PFDN1: variants seen among roughly 807,000 people sequenced by gnomAD.
The protein encoded by PFDN1 is prefoldin 1.
A neutral mutation model predicts 17.3 loss-of-function variants in PFDN1; 6 were observed. The observed-to-expected ratio is 0.35, with a 90% confidence interval of 0.19 to 0.69. The LOEUF (loss-of-function observed/expected upper bound fraction) is 0.69, where lower values mean the gene tolerates loss of function less well. Ranked by LOEUF, PFDN1 falls within the 30% of genes least tolerant of loss-of-function variation. PFDN1 has a pLI of 0.65. For missense variants in PFDN1, 113 were observed against 146.2 expected (o/e 0.77, Z 1.17); for synonymous variants, 58 against 50.1 (o/e 1.16, Z -0.67).
intron 2 of PFDN1, among the ~76,000 whole-genome samples, chr5:140,282,838 A>C (rs902813144): frequency 6.6e-6 from 1 of 152,250 alleles, no homozygotes; most frequent in African/African-American, 2.4e-5. Context: ...CTGTCTAAGG[A>C]AGCTAAAATA....
chr5:140,253,635 T>C (rs1157701363), intron 3 of PFDN1, among the ~76,000 whole-genome samples: 3 of 152,170 alleles, frequency 2.0e-5, no homozygotes, highest in African/African-American at 4.8e-5. Flanking sequence ...AATATGGTGC[T>C]GATCAAGCCT....
chr5:140,284,959 C>T (rs1461387369), intron 2 of PFDN1, among the ~76,000 whole-genome samples: 1 of 152,194 alleles, frequency 6.6e-6, no homozygotes. Context: ...TTTTCTAAAT[C>T]ATCCTGCAGT....
intron 3 of PFDN1, among the ~76,000 whole-genome samples, chr5:140,259,386 A>AACC (rs1765032766): frequency 6.6e-6 from 1 of 152,256 alleles, no homozygotes; most frequent in Non-Finnish European, 1.5e-5. Context: ...TTGTAGAAGC[A>AACC]TCAATATAAT....
chr5:140,274,946 T>C (rs1042985758), intron 3 of PFDN1, among the ~76,000 whole-genome samples: 12 of 150,232 alleles, frequency 8.0e-5, no homozygotes, highest in African/African-American at 1.2e-4. Flanking sequence ...TGAGCCGAGA[T>C]TGTGATACTG....
At chr5:140,266,627 G>A (rs747019443) in intron 3 of PFDN1, among the ~76,000 whole-genome samples, 15 of 152,176 alleles carry the variant, frequency 9.9e-5, no homozygotes, top group Non-Finnish European at 1.8e-4. Flanking sequence ...TTCAGACTAC[G>A]AAAATCAATA....
chr5:140,303,005 AAAG>A (rs1367472562), intron 1 of PFDN1, 33 bp downstream of exon 1: 19 of 1,530,120 alleles, frequency 1.2e-5, no homozygotes, highest in Admixed American at 1.7e-5. Flanking sequence ...CAGCCTCCAA[AAAG>A]AAGACCTCCG....
At chr5:140,296,427 C>T (rs1353338829) in intron 2 of PFDN1, among the ~76,000 whole-genome samples, 2 of 152,140 alleles carry the variant, frequency 1.3e-5, no homozygotes. Context: ...CATTTAAACA[C>T]ACCTACACAC....
At chr5:140,274,229 T>C (rs545492950) in intron 3 of PFDN1, among the ~76,000 whole-genome samples, 6 of 152,286 alleles carry the variant, frequency 3.9e-5, no homozygotes, top group Non-Finnish European at 8.8e-5. Context: ...CTGAATTTTG[T>C]CAAAAAAGAC....
At chr5:140,278,557 C>CAACAAAAAAAAA (rs1765336511) in intron 3 of PFDN1, among the ~76,000 whole-genome samples, 1 of 79,006 alleles carries the variant, frequency 1.3e-5, no homozygotes. Flanking sequence ...GACTCTGTCT[C>CAACAAAAAAAAA]AAAAAAAAAA....
chr5:140,289,956 T>C (rs1248184508), intron 2 of PFDN1, among the ~76,000 whole-genome samples: 2 of 152,206 alleles, frequency 1.3e-5, no homozygotes, highest in Non-Finnish European at 2.9e-5. Context: ...ACCTCCTGAA[T>C]AGCTTCCTGC....
Position 140,277,898 on chromosome 5 carries a change from T to C in PFDN1, c.285+3551A>G, listed in dbSNP as rs559772081. ...AGCAACAGTGGAAGCCACAAGTCAG[T>C]AGAATGGTTATCTTTAAAAGAGCTG... On this transcript the variant is annotated intron_variant, in intron 3 of 3. Transcript: ENST00000261813. Among the ~76,000 whole-genome samples, 4 of 152,162 alleles carry C rather than the reference T, an allele frequency of 2.6e-5. No individual in the cohort carries two copies. In the South Asian group the frequency reaches 6.2e-4, roughly 24 times the overall value.
intron 3 of PFDN1, among the ~76,000 whole-genome samples, chr5:140,269,525 G>T (rs1040162186): frequency 6.6e-6 from 1 of 150,410 alleles, no homozygotes; most frequent in African/African-American, 2.5e-5. Flanking sequence ...CTCCATGTTG[G>T]TCAGGCTGGT....
At chr5:140,252,226 G>C (rs1248031469) in intron 3 of PFDN1, among the ~76,000 whole-genome samples, 1 of 152,090 alleles carries the variant, frequency 6.6e-6, no homozygotes, top group Non-Finnish European at 1.5e-5. Flanking sequence ...GCTCAGAGGA[G>C]AGGGGAGACA....
At chr5:140,260,819 A>AAT (rs35629165) in intron 3 of PFDN1, among the ~76,000 whole-genome samples, 1 of 151,526 alleles carries the variant, frequency 6.6e-6, no homozygotes, top group African/African-American at 2.4e-5. Flanking sequence ...CACTTTAAAA[A>AAT]ATATATATAT....
At chr5:140,278,556 TCAAAAA>T (rs1765336366) in intron 3 of PFDN1, among the ~76,000 whole-genome samples, 1 of 24,612 alleles carries the variant, frequency 4.1e-5, no homozygotes, top group African/African-American at 2.0e-4. Flanking sequence ...AGACTCTGTC[TCAAAAA>T]AAAAAAAAAA....
intron 3 of PFDN1, among the ~76,000 whole-genome samples, chr5:140,276,178 A>G (rs1318556963): frequency 6.6e-6 from 1 of 152,198 alleles, no homozygotes; most frequent in Non-Finnish European, 1.5e-5. Flanking sequence ...AATCATTTAG[A>G]GCTCTAAATC....
chr5:140,300,842 A>G (rs1388657258), intron 1 of PFDN1, among the ~76,000 whole-genome samples: 1 of 152,252 alleles, frequency 6.6e-6, no homozygotes, highest in Non-Finnish European at 1.5e-5. Context: ...CAAGTACTCA[A>G]GGAGTAGTAA....
chr5:140,273,848 G>A lies in PFDN1; in HGVS notation c.285+7601C>T, dbSNP rs1190000692. On this transcript the variant is annotated intron_variant, in intron 3 of 3. Coordinates refer to ENST00000261813, the MANE Select transcript of PFDN1 (RefSeq NM_002622.5). Reference sequence around the variant, plus strand: ...CATGTTGGAGACAGAGGGGAAGGAAGCTGGTGAACCTGTATATGCATGTGC... The same window carrying A: ...CATGTTGGAGACAGAGGGGAAGGAAACTGGTGAACCTGTATATGCATGTGC... 7 of 947,036 alleles carry A rather than the reference G, an allele frequency of 7.4e-6. No homozygotes were observed. The East Asian group carries it at 6.9e-4, about 94-fold the overall frequency. 58.7% of individuals were successfully genotyped at this position (947,036 alleles called of 1,614,324 possible).
intron 3 of PFDN1, chr5:140,281,085 T>C (rs979708428): frequency 5.8e-6 from 1 of 171,792 alleles, no homozygotes; most frequent in Non-Finnish European, 1.2e-5. Flanking sequence ...TTACCCACTC[T>C]CCTGCCCATC....
Sources: gnomAD v4.1 joint callset for allele counts (sites outside exome capture counted in the v4.1 genomes callset) on GRCh38, gnomAD v4.1.1 for gene constraint, MANE v1.5 for transcripts, NCBI Gene and HGNC (gene_info 2026-07-23, HGNC 2026-07-21) for gene names.